Variants in MAP2K6 observed in about 807,000 individuals in gnomAD.
MAP2K6 encodes dual specificity mitogen-activated protein kinase kinase 6.
In MAP2K6, 16 loss-of-function variants were observed where a neutral mutation model predicts 53.7. The ratio of observed to expected loss-of-function variants is 0.30; its 90% CI spans 0.20 to 0.45. The LOEUF is 0.45. MAP2K6 is among the 20% of genes least tolerant of loss of function. The pLI is 1.00. For missense variants in MAP2K6, 204 were observed against 411.9 expected (o/e 0.50, Z 4.37); for synonymous variants, 132 against 143.1 (o/e 0.92, Z 0.55).
chr17:69,466,582 G>A (rs556481965), intron 1 of MAP2K6, among the ~76,000 whole-genome samples: 5 of 152,270 alleles, frequency 3.3e-5, no homozygotes, highest in South Asian at 2.1e-4. Flanking sequence ...GTTTGAAACC[G>A]GGCAAGACTT....
intron 11 of MAP2K6, 33 bp from the exon 12 acceptor site, chr17:69,541,643 A>G: frequency 6.6e-7 from 1 of 1,517,810 alleles, no homozygotes; most frequent in Non-Finnish European, 9.1e-7. Flanking sequence ...TCAGTAAGAC[A>G]TTAATACCAT....
At chr17:69,440,001 C>G (rs1442457184) in intron 1 of MAP2K6, among the ~76,000 whole-genome samples, 1 of 152,100 alleles carries the variant, frequency 6.6e-6, no homozygotes, top group African/African-American at 2.4e-5. Context: ...AAGAAATTAT[C>G]CAAGGGCATA....
chr17:69,510,736 G>A (rs758553599), intron 2 of MAP2K6, among the ~76,000 whole-genome samples: 1 of 151,986 alleles, frequency 6.6e-6, no homozygotes. Flanking sequence ...ACATTTATGA[G>A]AGTAAAATTG....
chr17:69,501,984 A>G (rs1415299917), intron 1 of MAP2K6, among the ~76,000 whole-genome samples: 1 of 146,614 alleles, frequency 6.8e-6, no homozygotes, highest in Non-Finnish European at 1.5e-5. Flanking sequence ...TTCCTGGGGG[A>G]ACAGATTGCT....
chr17:69,520,516 T>C (rs1362443602), intron 6 of MAP2K6, 130 bp downstream of exon 6: 2 of 655,616 alleles, frequency 3.1e-6, no homozygotes. Flanking sequence ...TGACATTTAT[T>C]GGTGGATGGA....
intron 1 of MAP2K6, among the ~76,000 whole-genome samples, chr17:69,475,735 C>T (rs1050005724): frequency 1.3e-5 from 2 of 152,190 alleles, no homozygotes; most frequent in Non-Finnish European, 2.9e-5. Flanking sequence ...AGCTCACCCT[C>T]CTCCATGGGA....
rs58492970 is a variant in MAP2K6 at position 69,430,758 on chromosome 17, C to G, written c.16+15758C>G. On this transcript the variant is annotated intron_variant, in intron 1 of 11. Transcript: ENST00000590474. ...CAAGCCACTTCGTTTAAGACAGAAA[C>G]CAGCTACTGGTTTTCTCTGTCAGGT... is the stretch of plus-strand genomic sequence containing the variant. Among the ~76,000 whole-genome samples the G allele has an allele frequency of 2.2e-3, 333 of 152,276 alleles. 1 individual carries two copies. The highest frequency in any genetic ancestry group is 7.7e-3 in the African/African-American group (318 of 41,540).
intron 1 of MAP2K6, among the ~76,000 whole-genome samples, chr17:69,476,432 C>T (rs1304944805): frequency 6.6e-6 from 1 of 152,206 alleles, no homozygotes; most frequent in African/African-American, 2.4e-5. Context: ...AAGCCTTTAA[C>T]AGGCCAATCC....
At position 69,548,629 on chromosome 17, in the gene MAP2K6, T is replaced by C. The variant is rs1290739375; in HGVS notation, c.*6876T>C. ...CCTAAAAGAATGTTTGCTCTTCACC[T>C]AGGGAAATAAAACCTGAATTTCAGA... is the stretch of plus-strand genomic sequence containing the variant. On this transcript the variant is annotated 3_prime_UTR_variant, in exon 12 of 12. Coordinates refer to ENST00000590474, the MANE Select transcript of MAP2K6 (RefSeq NM_002758.4). 6.6e-6 allele frequency: 1 copy of C among 152,192 alleles called. No individual in the cohort carries two copies. The highest frequency in any genetic ancestry group is 1.5e-5 in the Non-Finnish European group (1 of 68,034). The allele number at this position is 152,192 out of a possible 1,614,324, so 9.4% of individuals were successfully genotyped here.
In MAP2K6 at chr17:69,551,593, A is replaced by G. The variant is rs897817059; in HGVS notation, c.*9840A>G. 3.3e-5 allele frequency: 5 copies of G among 152,238 alleles called. No homozygotes were observed. Among genetic ancestry groups the G allele is most frequent in the Non-Finnish European group, 5.9e-5 (4 of 68,032 alleles). The allele number at this position is 152,238 out of a possible 1,614,324, so 9.4% of individuals were successfully genotyped here. On this transcript the variant is annotated 3_prime_UTR_variant, in exon 12 of 12. Coordinates refer to ENST00000590474, the MANE Select transcript of MAP2K6 (RefSeq NM_002758.4). ...TTTATAGTGTTCTTGGCCAATCTGC[A>G]TAAAAGCCACTTGAGGAGGTTTGAT...
chr17:69,443,405 C>T (rs374705937), intron 1 of MAP2K6, among the ~76,000 whole-genome samples: 12 of 152,220 alleles, frequency 7.9e-5, no homozygotes, highest in East Asian at 5.8e-4. Flanking sequence ...GAAGGTTATC[C>T]GACCTGTTTG....
rs546927600 is a variant in MAP2K6, at chr17:69,519,825, C to G, written c.366+393C>G. The G allele has an allele frequency of 1.4e-5, 3 of 212,510 alleles. No homozygotes were observed. In the East Asian group the frequency reaches 4.3e-4, roughly 31 times the overall value. The allele number at this position is 212,510 out of a possible 1,614,324, so 13.2% of individuals were successfully genotyped here. The stretch of plus-strand genomic sequence containing the variant: ...ACTTACTTTGATCTCTTTTCTCTAC[C>G]TCTGTTTTCCACTTTAGCGTTATAT... On this transcript the variant is annotated intron_variant, in intron 5 of 11. Coordinates refer to ENST00000590474, the MANE Select transcript of MAP2K6 (RefSeq NM_002758.4).
chr17:69,505,674 A>G, intron 1 of MAP2K6, 106 bp from the exon 2 acceptor site: 1 of 871,554 alleles, frequency 1.1e-6, no homozygotes, highest in South Asian at 1.3e-5. Context: ...GAATGGAGAC[A>G]TGAGAGCTGC....
intron 4 of MAP2K6, among the ~76,000 whole-genome samples, chr17:69,518,875 A>G (rs932953985): frequency 2.0e-5 from 3 of 152,204 alleles, no homozygotes; most frequent in African/African-American, 7.2e-5. Flanking sequence ...TATTTTGTAT[A>G]GCTGTACCAA....
intron 1 of MAP2K6, among the ~76,000 whole-genome samples, chr17:69,493,307 T>TTGTG (rs3216905): frequency 0.57 from 86,262 of 150,342 alleles, 25,021 homozygotes; most frequent in Middle Eastern, 0.69. Context: ...GTGTATGTGT[T>TTGTG]TGTGTGTGTG....
At chr17:69,452,859 C>G (rs954865249) in intron 1 of MAP2K6, among the ~76,000 whole-genome samples, 13 of 152,126 alleles carry the variant, frequency 8.5e-5, no homozygotes, top group Admixed American at 6.5e-4. Flanking sequence ...TAGGTCGTAC[C>G]AAAGCATAAT....
Position 69,512,331 on chromosome 17 carries a change from TTTTTTTTG to T in MAP2K6, c.84-4516_84-4509del, listed in dbSNP as rs1247807692. On this transcript the variant is annotated intron_variant, in intron 2 of 11. Transcript: ENST00000590474. ...TAATCTCATTGTCTTTCTAAGTGTT[TTTTTTTTG>T]TTTTTTTTTTTTTTTTTTGAGACAG... 6.6e-4 allele frequency among the ~76,000 whole-genome samples: 51 copies of T among 77,680 alleles called. 1 individual carries two copies. The highest frequency in any genetic ancestry group is 8.9e-4 in the Non-Finnish European group (32 of 35,984). The allele number at this position is 77,680 out of a possible 152,430, so 51.0% of individuals were successfully genotyped here.
intron 1 of MAP2K6, among the ~76,000 whole-genome samples, chr17:69,422,859 G>T (rs817559): frequency 0.38 from 56,998 of 151,772 alleles, 11,147 homozygotes; most frequent in Middle Eastern, 0.45. Flanking sequence ...GCCAAATCTA[G>T]CTTCAGCTGT....
chr17:69,491,052 G>A (rs765442656), intron 1 of MAP2K6, among the ~76,000 whole-genome samples: 3 of 151,872 alleles, frequency 2.0e-5, no homozygotes, highest in African/African-American at 4.8e-5. Context: ...ATGTGATCTC[G>A]TTCTTTTTTT....
Sources: allele counts gnomAD v4.1 joint callset (sites outside exome capture counted in the v4.1 genomes callset), GRCh38; gene constraint gnomAD v4.1.1; transcripts MANE v1.5; gene names NCBI Gene and HGNC (gene_info 2026-07-23, HGNC 2026-07-21).